FSTL4: variants seen among roughly 807,000 people sequenced by gnomAD.
FSTL4 encodes the protein follistatin-related protein 4.
Under a neutral mutation model 78.2 loss-of-function variants are expected in FSTL4, and 28 were observed. That is an observed-to-expected ratio of 0.36 (90% CI 0.27 to 0.49). The LOEUF (loss-of-function observed/expected upper bound fraction) is 0.49. Ranked by LOEUF, FSTL4 falls within the 20% of genes least tolerant of loss-of-function variation. The pLI, the probability that FSTL4 is intolerant of heterozygous loss-of-function variation, is 0.98. For synonymous variants in FSTL4, 422 were observed against 440.5 expected, an observed-to-expected ratio of 0.96 and a Z score of 0.53; for missense variants, 922 against 1,084.9, an observed-to-expected ratio of 0.85 and a Z score of 2.11.
chr5:133,260,020 C>T (rs140883840), intron 6 of FSTL4, among the ~76,000 whole-genome samples: 2 of 152,294 alleles, frequency 1.3e-5, no homozygotes, highest in East Asian at 3.9e-4. Flanking sequence ...TTGGCCTCCT[C>T]CAGTGAAAGA....
At chr5:133,214,347 A>G (rs1311978739) in intron 13 of FSTL4, among the ~76,000 whole-genome samples, 1 of 152,252 alleles carries the variant, frequency 6.6e-6, no homozygotes, top group African/African-American at 2.4e-5. Flanking sequence ...AGGGGAATCA[A>G]TAACAAAGAG....
At chr5:133,603,394 C>T (rs1760910335) in intron 2 of FSTL4, among the ~76,000 whole-genome samples, 1 of 152,182 alleles carries the variant, frequency 6.6e-6, no homozygotes, top group Non-Finnish European at 1.5e-5. Context: ...AAAGCACTCT[C>T]CCTTAGGACC....
intron 11 of FSTL4, among the ~76,000 whole-genome samples, chr5:133,223,467 C>T (rs750161071): frequency 8.5e-5 from 13 of 152,216 alleles, no homozygotes; most frequent in Admixed American, 4.6e-4. Context: ...CTGCTGCCCA[C>T]TGAGCTGGAG....
At chr5:133,644,722 C>T in the FSTL4 span, among the ~76,000 whole-genome samples, 1 of 152,114 alleles carries the variant, frequency 6.6e-6, no homozygotes, top group Non-Finnish European at 1.5e-5. Flanking sequence ...ACTTTCCATT[C>T]ACCTCTCCCC....
At chr5:133,349,217 G>T (rs1051614388) in intron 4 of FSTL4, among the ~76,000 whole-genome samples, 2 of 152,112 alleles carry the variant, frequency 1.3e-5, no homozygotes, top group Non-Finnish European at 2.9e-5. Context: ...GGGTAGTCCT[G>T]GGGGAAGAAC....
chr5:133,818,349 G>A, the FSTL4 span, among the ~76,000 whole-genome samples: 1 of 152,206 alleles, frequency 6.6e-6, no homozygotes, highest in Middle Eastern at 3.2e-3. Flanking sequence ...CTGCAGGCCA[G>A]TACTGAAGGC....
intron 8 of FSTL4, among the ~76,000 whole-genome samples, chr5:133,228,794 T>C (rs1194944532): frequency 6.6e-6 from 1 of 152,180 alleles, no homozygotes; most frequent in Non-Finnish European, 1.5e-5. Flanking sequence ...AACGACACCA[T>C]TCTTTTTCAA....
the FSTL4 span, among the ~76,000 whole-genome samples, chr5:133,639,532 C>T: frequency 6.6e-6 from 1 of 152,192 alleles, no homozygotes; most frequent in African/African-American, 2.4e-5. Flanking sequence ...GCCCTGTCCT[C>T]AGAGCTTGCC....
intron 4 of FSTL4, among the ~76,000 whole-genome samples, chr5:133,352,440 C>T (rs567257832): frequency 2.6e-5 from 4 of 151,602 alleles, no homozygotes; most frequent in African/African-American, 4.8e-5. Flanking sequence ...GACAAGTTCT[C>T]GCTTTGTCAC....
chr5:133,374,137 C>T (rs919288138), intron 4 of FSTL4, among the ~76,000 whole-genome samples: 1 of 152,324 alleles, frequency 6.6e-6, no homozygotes, highest in East Asian at 1.9e-4. Flanking sequence ...CCTCCTGCCC[C>T]CTCCCCTGGC....
chr5:133,288,874 C>T (rs971310340), intron 6 of FSTL4, among the ~76,000 whole-genome samples: 3 of 144,664 alleles, frequency 2.1e-5, no homozygotes, highest in East Asian at 3.9e-4. Flanking sequence ...AATTATTCCT[C>T]GGTTACAGGA....
intron 3 of FSTL4, among the ~76,000 whole-genome samples, chr5:133,491,497 T>C (rs917840148): frequency 6.6e-6 from 1 of 152,020 alleles, no homozygotes; most frequent in Non-Finnish European, 1.5e-5. Flanking sequence ...CCTCCCAGGT[T>C]CATGCCATTC....
chr5:133,316,605 G>A lies in FSTL4; in HGVS notation c.457C>T (p.Leu153=), dbSNP rs181368036. ...GGCTGCAGACGGGTCTGGAGTGCCA[G>A]AAGGACATTCTTCAAGCGGGCGTAG... ...AGYARLKNVL[L]ALQTRLQPLQ... is the part of the protein sequence containing the mutation. Residue 153 remains leucine (L), a synonymous_variant, in exon 5 of 16, where the codon CTG becomes TTG. Transcript: ENST00000265342. 1 of 1,613,988 alleles carries A rather than the reference G, an allele frequency of 6.2e-7. No individual in the cohort carries two copies. The highest frequency in any genetic ancestry group is 1.3e-5 in the African/African-American group (1 of 74,934).
the FSTL4 span, among the ~76,000 whole-genome samples, chr5:133,700,853 G>T: frequency 3.3e-3 from 501 of 152,328 alleles, 7 homozygotes; most frequent in African/African-American, 0.012. Flanking sequence ...TTAGAAAGAA[G>T]TTATTCCCGG....
intron 3 of FSTL4, among the ~76,000 whole-genome samples, chr5:133,529,419 ACAGT>A (rs1334353132): frequency 1.3e-5 from 2 of 152,118 alleles, no homozygotes; most frequent in Non-Finnish European, 2.9e-5. Flanking sequence ...CCAGACACAA[ACAGT>A]CAGCCCAGGA....
At chr5:133,470,430 A>G (rs1757796372) in intron 3 of FSTL4, among the ~76,000 whole-genome samples, 1 of 152,212 alleles carries the variant, frequency 6.6e-6, no homozygotes, top group African/African-American at 2.4e-5. Flanking sequence ...GAAAGCAAGA[A>G]AGTGTGCTTG....
At chr5:133,345,838 C>T (rs1251337788) in intron 4 of FSTL4, among the ~76,000 whole-genome samples, 1 of 152,194 alleles carries the variant, frequency 6.6e-6, no homozygotes, top group Non-Finnish European at 1.5e-5. Context: ...GTGGCGATTC[C>T]TCAAGGATCT....
In FSTL4 at chr5:133,225,533, A is replaced by G. The variant is rs1486611608; in HGVS notation, c.1177+125T>C. 3 of 945,280 alleles carry G rather than the reference A, an allele frequency of 3.2e-6. No homozygotes were observed. Among genetic ancestry groups the G allele is most frequent in the Non-Finnish European group, 4.8e-6 (3 of 618,806 alleles). The allele number at this position is 945,280 out of a possible 1,614,324, so 58.6% of individuals were successfully genotyped here. A position where few individuals can be genotyped will look rare whatever the true frequency, so the allele number is the denominator to read the frequency against. ...AGCCCAGATAACAGGGAAATTTGGG[A>G]GCCATCTGTTCACTCCTAACCTGTC... On this transcript the variant is annotated intron_variant, in intron 9 of 15. Coordinates refer to ENST00000265342, the MANE Select transcript of FSTL4 (RefSeq NM_015082.2). The surrounding 1 kb of genome is among the most constrained non-coding windows in gnomAD (Gnocchi z 4.6).
rs1750650692 is a variant in FSTL4 at position 133,209,998 on chromosome 5, C to A, written c.1716+193G>T. The A allele has an allele frequency of 1.2e-5, 6 of 497,228 alleles. No individual in the cohort carries two copies. The South Asian group carries it at 1.9e-4, about 16-fold the overall frequency. The allele number at this position is 497,228 out of a possible 1,614,324, so 30.8% of individuals were successfully genotyped here. On this transcript the variant is annotated intron_variant, in intron 14 of 15. Coordinates refer to ENST00000265342, the MANE Select transcript of FSTL4 (RefSeq NM_015082.2). The stretch of plus-strand genomic sequence containing the variant: ...GTGATGTCAGAATCCTATTCATCAT[C>A]ATTATTGCTGTCATCAATTGCCTGT...
Sources: allele counts gnomAD v4.1 joint callset (sites outside exome capture counted in the v4.1 genomes callset), GRCh38; gene constraint gnomAD v4.1.1; non-coding constraint Gnocchi (gnomAD v3.1); transcripts MANE v1.5; gene names NCBI Gene and HGNC (gene_info 2026-07-23, HGNC 2026-07-21).